The following CHN2 variants were observed in gnomAD, a reference collection of about 807,000 sequenced individuals.
CHN2 encodes beta-chimaerin.
CHN2 carries 35 observed loss-of-function variants against 56.3 expected under a neutral mutation model. The observed-to-expected ratio is 0.62, with a 90% confidence interval of 0.47 to 0.82. CHN2 has a LOEUF of 0.82. Ranked by LOEUF, CHN2 falls within the 40% of genes least tolerant of loss-of-function variation. The probability of loss-of-function intolerance (pLI) is 0.00; values close to 1 mark genes in which losing one functional copy is unlikely to be tolerated. For synonymous variants in CHN2, 210 were observed against 212.8 expected, an observed-to-expected ratio of 0.99 and a Z score of 0.12; for missense variants, 491 against 580.5, an observed-to-expected ratio of 0.85 and a Z score of 1.58.
chr7:29,193,746 CAGTCGGACCTGCTGCCA>C (rs554787559), upstream of CHN2: 23 of 152,356 alleles, frequency 1.5e-4, 1 homozygote, highest in East Asian at 4.1e-3. Context: ...TGAAAGGGCA[CAGTCGGACCTGCTGCCA>C]AGTCTTAAGT....
In CHN2 at chr7:29,513,071, A is replaced by T. The variant is rs1358004795; in HGVS notation, c.*336A>T. ...TCTTATTGGTAATAAAAGGGAACTT[A>T]ATTCATACAGGTACTTGATACAGTT... On this transcript the variant is annotated 3_prime_UTR_variant, in exon 13 of 13. Coordinates refer to ENST00000222792, the MANE Select transcript of CHN2 (RefSeq NM_004067.4). 5.3e-6 allele frequency: 1 copy of T among 188,616 alleles called. No individual in the cohort carries two copies. Among genetic ancestry groups the T allele is most frequent in the East Asian group, 1.4e-4 (1 of 7,326 alleles). The allele number at this position is 188,616 out of a possible 1,614,324, so 11.7% of individuals were successfully genotyped here.
intron 1 of CHN2, among the ~76,000 whole-genome samples, chr7:29,269,444 T>C (rs1338297669): frequency 2.0e-5 from 3 of 152,232 alleles, no homozygotes; most frequent in African/African-American, 4.8e-5. Context: ...TCTTTATCCA[T>C]GCACCTGTTG....
At chr7:29,512,182 A>G (rs113220990) in intron 12 of CHN2, among the ~76,000 whole-genome samples, 2,256 of 133,672 alleles carry the variant, frequency 0.017, 35 homozygotes, top group Middle Eastern at 0.076. Context: ...CACAAGAGGG[A>G]AAAAAAAAAC....
intron 1 of CHN2, chr7:29,336,224 T>A (rs1173603402): frequency 3.9e-5 from 6 of 152,108 alleles, no homozygotes; most frequent in African/African-American, 1.2e-4. Flanking sequence ...TGCCTGACCC[T>A]CCAGTATTTG....
At chr7:29,179,671 A>C (rs245916) in intron 2 of CHN2, among the ~76,000 whole-genome samples, 1 of 152,118 alleles carries the variant, frequency 6.6e-6, no homozygotes, top group Non-Finnish European at 1.5e-5. Context: ...TAAGTAGAGA[A>C]ACCATCAATA....
At chr7:29,150,252 T>A (rs1205178389) in intron 2 of CHN2, among the ~76,000 whole-genome samples, 1 of 152,228 alleles carries the variant, frequency 6.6e-6, no homozygotes, top group Admixed American at 6.5e-5. Flanking sequence ...AATCTCAGTT[T>A]TCTCATCTGT....
chr7:29,173,311 C>G (rs1796855089), intron 2 of CHN2, among the ~76,000 whole-genome samples: 1 of 152,028 alleles, frequency 6.6e-6, no homozygotes, highest in African/African-American at 2.4e-5. Context: ...TGCTGGTAGC[C>G]TCGAGTGGGG....
At position 29,221,652 on chromosome 7, in the gene CHN2, C is replaced by G. The variant is rs532848180; in HGVS notation, c.49+26662C>G. Among the ~76,000 whole-genome samples the G allele has an allele frequency of 5.3e-5, 8 of 152,260 alleles. No individual in the cohort carries two copies. The South Asian group carries it at 8.3e-4, about 16-fold the overall frequency. On this transcript the variant is annotated intron_variant, in intron 1 of 12. Coordinates refer to ENST00000222792, the MANE Select transcript of CHN2 (RefSeq NM_004067.4). The stretch of plus-strand genomic sequence containing the variant: ...CCAACAGACCCCAGTGTGTTGTTCC[C>G]CACATATGGCAATGTGTTCTCATTG...
intron 6 of CHN2, among the ~76,000 whole-genome samples, chr7:29,457,084 G>A (rs1784820806): frequency 6.6e-6 from 1 of 152,168 alleles, no homozygotes; most frequent in African/African-American, 2.4e-5. Flanking sequence ...TCTGAGCTGT[G>A]GAATAGACAT....
chr7:29,309,393 C>T (rs1467941422), intron 1 of CHN2, among the ~76,000 whole-genome samples: 2 of 152,092 alleles, frequency 1.3e-5, no homozygotes, highest in African/African-American at 4.8e-5. Context: ...TAACTCTTCC[C>T]CCACCCTTCC....
chr7:29,247,732 T>A lies in CHN2; in HGVS notation c.49+52742T>A, dbSNP rs117527015. Reference sequence around the variant, plus strand: ...TGACCTTGGTGGTATCACCGCCTGATCCACTGGGAAAGGAGCTGTTCTGTT... The same window carrying A: ...TGACCTTGGTGGTATCACCGCCTGAACCACTGGGAAAGGAGCTGTTCTGTT... On this transcript the variant is annotated intron_variant, in intron 1 of 12. Coordinates refer to ENST00000222792, the MANE Select transcript of CHN2 (RefSeq NM_004067.4). Among the ~76,000 whole-genome samples, 1,028 of 152,346 alleles carry A rather than the reference T, an allele frequency of 6.7e-3. 7 individuals are homozygous for A. Among genetic ancestry groups the A allele is most frequent in the Non-Finnish European group, 0.01 (707 of 68,038 alleles).
At chr7:29,487,090 C>T (rs1477803029) in intron 7 of CHN2, among the ~76,000 whole-genome samples, 1 of 152,160 alleles carries the variant, frequency 6.6e-6, no homozygotes, top group Non-Finnish European at 1.5e-5. Flanking sequence ...GTGTCTATCA[C>T]CCTTTTCTGT....
intron 1 of CHN2, among the ~76,000 whole-genome samples, chr7:29,268,472 G>A (rs1209663091): frequency 6.6e-6 from 1 of 152,070 alleles, no homozygotes; most frequent in Non-Finnish European, 1.5e-5. Context: ...GAGATTTGAA[G>A]ATAATAAATA....
At chr7:29,247,167 A>G (rs1788141965) in intron 1 of CHN2, among the ~76,000 whole-genome samples, 1 of 152,188 alleles carries the variant, frequency 6.6e-6, no homozygotes, top group Non-Finnish European at 1.5e-5. Flanking sequence ...AGGGCACTCC[A>G]GGTAGAGGGA....
At chr7:29,146,667 T>C in exon 1 of CHN2, 1 of 1,550,562 alleles carries the variant, frequency 6.4e-7, no homozygotes, top group South Asian at 1.2e-5. Context: ...AAGTCAGCGC[T>C]TCCCATGCTG....
At chr7:29,383,871 G>T (rs1247712892) in intron 3 of CHN2, among the ~76,000 whole-genome samples, 1 of 152,172 alleles carries the variant, frequency 6.6e-6, no homozygotes, top group East Asian at 1.9e-4. Context: ...ATTGGAAGGT[G>T]ATAAAAGGAT....
chr7:29,458,410 C>CACAG (rs1784923195), intron 6 of CHN2, among the ~76,000 whole-genome samples: 1 of 151,236 alleles, frequency 6.6e-6, no homozygotes, highest in Non-Finnish European at 1.5e-5. Context: ...CACACACACA[C>CACAG]ACACACACCC....
intron 1 of CHN2, among the ~76,000 whole-genome samples, chr7:29,242,022 A>T (rs185464024): frequency 6.0e-4 from 91 of 152,286 alleles, no homozygotes; most frequent in Admixed American, 1.4e-3. Flanking sequence ...CATGGTGTTT[A>T]CCATGTGCAA....
intron 1 of CHN2, among the ~76,000 whole-genome samples, chr7:29,233,377 C>A (rs1786871543): frequency 6.6e-6 from 1 of 152,196 alleles, no homozygotes; most frequent in Non-Finnish European, 1.5e-5. Context: ...GAAAGTTTAT[C>A]CTCAAAATCT....
Sources: allele counts gnomAD v4.1 joint callset (sites outside exome capture counted in the v4.1 genomes callset), GRCh38; gene constraint gnomAD v4.1.1; transcripts MANE v1.5; gene names NCBI Gene and HGNC (gene_info 2026-07-23, HGNC 2026-07-21).